ALOX5: variants seen among roughly 807,000 people sequenced by gnomAD.
ALOX5 encodes polyunsaturated fatty acid 5-lipoxygenase.
Under a neutral mutation model 87.9 loss-of-function variants are expected in ALOX5, and 64 were observed. The ratio of observed to expected loss-of-function variants is 0.73; its 90% CI spans 0.60 to 0.90. ALOX5 has a LOEUF of 0.90. ALOX5 is among the 40% of genes least tolerant of loss of function. ALOX5 has a pLI of 0.00. For missense variants in ALOX5, 822 were observed against 907.5 expected (o/e 0.91, Z 1.21); for synonymous variants, 388 against 355.1 (o/e 1.09, Z -1.04).
At chr10:45,428,917 G>A (rs1407687656) in intron 7 of ALOX5, among the ~76,000 whole-genome samples, 153 bp downstream of exon 7, 1 of 152,112 alleles carries the variant, frequency 6.6e-6, no homozygotes, top group South Asian at 2.1e-4. Context: ...CCATAGGGGC[G>A]GAGAGGGTTC....
intron 3 of ALOX5, among the ~76,000 whole-genome samples, chr10:45,397,372 C>A (rs935998214): frequency 6.6e-6 from 1 of 152,052 alleles, no homozygotes; most frequent in African/African-American, 2.4e-5. Flanking sequence ...AGCAAGACTC[C>A]GTCCCCCCAC....
intron 6 of ALOX5, among the ~76,000 whole-genome samples, chr10:45,426,763 T>G (rs563405440): frequency 1.1e-3 from 170 of 152,346 alleles, no homozygotes; most frequent in African/African-American, 3.7e-3. Flanking sequence ...TCCCCTGCAC[T>G]GTCTCTCTCT....
intron 3 of ALOX5, among the ~76,000 whole-genome samples, chr10:45,401,901 A>G (rs1347368784): frequency 6.6e-6 from 1 of 152,076 alleles, no homozygotes; most frequent in Non-Finnish European, 1.5e-5. Flanking sequence ...CCTGGCTAAC[A>G]CGGTGAAACC....
Position 45,395,892 on chromosome 10 carries a change from G to C in ALOX5, c.387G>C (p.Lys129Asn). Reference sequence around the variant, plus strand: ...GAGATGACCAAATTCACATTCTCAAGCAACACCGACGTAAAGAACTGGAAA... The same window carrying C: ...GAGATGACCAAATTCACATTCTCAACCAACACCGACGTAAAGAACTGGAAA... ...LARDDQIHIL[K>N]QHRRKELETR... Residue 129 changes from lysine (K) to asparagine (N), a missense_variant, in exon 3 of 14, where the codon AAG becomes AAC. Physicochemically the swap from Lys to Asn is moderately conservative, Grantham distance 94. Transcript: ENST00000374391. The C allele has an allele frequency of 6.2e-7, 1 of 1,614,214 alleles. No individual in the cohort carries two copies. The highest frequency in any genetic ancestry group is 8.5e-7 in the Non-Finnish European group (1 of 1,180,030).
rs766792732 is a variant in ALOX5 at position 45,412,263 on chromosome 10, C to T, written c.504C>T (p.Ile168=). 1 of 1,614,128 alleles carries T rather than the reference C, an allele frequency of 6.2e-7. No individual in the cohort carries two copies. The highest frequency in any genetic ancestry group is 1.7e-5 in the Admixed American group (1 of 60,018). ...GCCACAAGGATTTACCCCGTGATAT[C>T]CAGTTTGATAGTGAAAAAGGAGTGG... The part of the protein sequence containing the change: ...AKCHKDLPRD[I]QFDSEKGVDF... The change falls in exon 4 of 14, where the codon ATC becomes ATT. Residue 168 remains isoleucine (I), a synonymous_variant. Coordinates refer to ENST00000374391, the MANE Select transcript of ALOX5 (RefSeq NM_000698.5).
intron 3 of ALOX5, among the ~76,000 whole-genome samples, chr10:45,403,446 G>A (rs558122980): frequency 1.3e-4 from 20 of 152,276 alleles, no homozygotes; most frequent in Admixed American, 5.9e-4. Flanking sequence ...TCATAAAGCC[G>A]AGGATGGTCA....
At chr10:45,442,983 T>G in intron 9 of ALOX5, 55 bp from the exon 10 acceptor site, 6 of 1,566,352 alleles carry the variant, frequency 3.8e-6, no homozygotes, top group Non-Finnish European at 5.2e-6. Flanking sequence ...CAGGGATGGG[T>G]CTGGACAGCT....
At chr10:45,424,292 C>T in intron 5 of ALOX5, 145 bp downstream of exon 5, 1 of 683,448 alleles carries the variant, frequency 1.5e-6, no homozygotes. Context: ...TGGACAGCAC[C>T]CCCTACACTC....
intron 7 of ALOX5, among the ~76,000 whole-genome samples, chr10:45,432,465 T>G (rs1160716049): frequency 6.6e-6 from 1 of 152,038 alleles, no homozygotes; most frequent in Non-Finnish European, 1.5e-5. Flanking sequence ...CAGAGAGAAT[T>G]GGGGGACAGT....
intron 1 of ALOX5, among the ~76,000 whole-genome samples, chr10:45,379,580 G>GCCGTGA (rs1370884382): frequency 7.9e-5 from 12 of 152,330 alleles, no homozygotes; most frequent in African/African-American, 2.9e-4. Flanking sequence ...TCACGAAGTG[G>GCCGTGA]CCGTGACGCA....
In ALOX5 at chr10:45,443,900, G is replaced by A. The variant is rs1842338831; in HGVS notation, c.1674+72G>A. ...CTGCCTCCTCCCCCGCCCCGGTTCT[G>A]CACGCGTACTGCACCCTCGGACAGC... On this transcript the variant is annotated intron_variant, in intron 12 of 13. Transcript: ENST00000374391. The A allele has an allele frequency of 2.7e-6, 4 of 1,505,650 alleles. No homozygotes were observed. The Admixed American group carries it at 8.0e-5, about 30-fold the overall frequency. 93.3% of individuals were successfully genotyped at this position (1,505,650 alleles called of 1,614,324 possible).
At chr10:45,414,333 G>A (rs1197770975) in intron 4 of ALOX5, among the ~76,000 whole-genome samples, 11 of 151,138 alleles carry the variant, frequency 7.3e-5, no homozygotes, top group African/African-American at 1.2e-4. Context: ...AACAAGCAAT[G>A]GGGAAAGGAT....
chr10:45,411,007 G>A (rs948889356), intron 3 of ALOX5, among the ~76,000 whole-genome samples: 1 of 152,244 alleles, frequency 6.6e-6, no homozygotes, highest in Non-Finnish European at 1.5e-5. Flanking sequence ...GCTAAACAAT[G>A]AGTGGATTAT....
rs150216824 is a variant in ALOX5 at position 45,428,660 on chromosome 10, A to G, written c.877A>G (p.Ile293Val). Residue 293 changes from isoleucine (I) to valine (V), a missense_variant, in exon 7 of 14, where the codon ATC becomes GTC. Transcript: ENST00000374391. ...CGTGGACTTTGAGCTGCTGGATGGC[A>G]TCGATGCCAACAAAACAGACCCCTG... ...FIVDFELLDG[I>V]DANKTDPCTL... The G allele has an allele frequency of 1.1e-5, 18 of 1,614,010 alleles. No individual in the cohort carries two copies. The highest frequency in any genetic ancestry group is 1.4e-5 in the Non-Finnish European group (16 of 1,180,028).
chr10:45,434,654 G>A (rs1191288283), intron 7 of ALOX5, among the ~76,000 whole-genome samples: 1 of 152,240 alleles, frequency 6.6e-6, no homozygotes, highest in African/African-American at 2.4e-5. Context: ...TCTCACTTAT[G>A]TAAAATGAAT....
At chr10:45,441,267 G>C in intron 8 of ALOX5, 77 bp from the exon 9 acceptor site, 6 of 1,296,786 alleles carry the variant, frequency 4.6e-6, no homozygotes, top group African/African-American at 1.5e-5. Context: ...AGGCCTGGGT[G>C]GGGGAGCTGC....
chr10:45,406,489 T>G (rs1180905045), intron 3 of ALOX5, among the ~76,000 whole-genome samples: 2 of 152,210 alleles, frequency 1.3e-5, no homozygotes, highest in Non-Finnish European at 2.9e-5. Context: ...TTACTGAGAT[T>G]CAGTCTTTCC....
At chr10:45,375,349 C>G (rs974021652) in intron 1 of ALOX5, among the ~76,000 whole-genome samples, 2 of 152,178 alleles carry the variant, frequency 1.3e-5, no homozygotes, top group East Asian at 3.9e-4. Flanking sequence ...TCTCACTGAG[C>G]CTTTAATGAA....
At chr10:45,428,318 TA>T in intron 6 of ALOX5, 2 of 476,110 alleles carry the variant, frequency 4.2e-6, no homozygotes, top group South Asian at 7.1e-5. Context: ...TCTTTCTTCT[TA>T]GTAAACTGAC....
Sources: gnomAD v4.1 joint callset for allele counts (sites outside exome capture counted in the v4.1 genomes callset) on GRCh38, gnomAD v4.1.1 for gene constraint, MANE v1.5 for transcripts, NCBI Gene and HGNC (gene_info 2026-07-23, HGNC 2026-07-21) for gene names.